The following ADCY2 variants were observed in gnomAD, a reference collection of about 807,000 sequenced individuals.
The protein encoded by ADCY2 is adenylate cyclase type 2.
Under a neutral mutation model 125.2 loss-of-function variants are expected in ADCY2, and 31 were observed. The ratio of observed to expected loss-of-function variants is 0.25; its 90% CI spans 0.19 to 0.33. The LOEUF is 0.33. Ranked by LOEUF, ADCY2 falls within the 10% of genes least tolerant of loss-of-function variation. The pLI, the probability that ADCY2 is intolerant of heterozygous loss-of-function variation, is 1.00. For synonymous variants in ADCY2, 512 were observed against 548.4 expected, an observed-to-expected ratio of 0.93 and a Z score of 0.93; for missense variants, 904 against 1,418.2, an observed-to-expected ratio of 0.64 and a Z score of 5.82.
chr5:7,744,829 T>G (rs1161873944), intron 15 of ADCY2, among the ~76,000 whole-genome samples: 1 of 152,266 alleles, frequency 6.6e-6, no homozygotes, highest in Admixed American at 6.5e-5. Flanking sequence ...CTTTAAAATA[T>G]TTTTCAATGG....
At chr5:7,665,803 T>C (rs1393401246) in intron 4 of ADCY2, among the ~76,000 whole-genome samples, 1 of 151,134 alleles carries the variant, frequency 6.6e-6, no homozygotes, top group Non-Finnish European at 1.5e-5. Context: ...GGTCTATTTA[T>C]GTTTTGTTTT....
intron 3 of ADCY2, among the ~76,000 whole-genome samples, chr5:7,600,233 C>A (rs1432683725): frequency 1.3e-5 from 2 of 152,090 alleles, no homozygotes; most frequent in South Asian, 2.1e-4. Flanking sequence ...CAAGCATCCC[C>A]CTCAGTGGCC....
intron 4 of ADCY2, among the ~76,000 whole-genome samples, chr5:7,637,431 CA>C (rs71591740): frequency 0.086 from 6,384 of 74,528 alleles, 167 homozygotes; most frequent in African/African-American, 0.21. Flanking sequence ...GACTCCGTCT[CA>C]AAAAAAAAAA....
At position 7,694,260 on chromosome 5, in the gene ADCY2, T is replaced by C. The variant is rs531734889; in HGVS notation, c.870-1492T>C. Among the ~76,000 whole-genome samples, 291 of 152,206 alleles carry C rather than the reference T, an allele frequency of 1.9e-3. 2 individuals carry two copies. Among genetic ancestry groups the C allele is most frequent in the African/African-American group, 6.7e-3 (279 of 41,540 alleles). On this transcript the variant is annotated intron_variant, in intron 5 of 24. Coordinates refer to ENST00000338316, the MANE Select transcript of ADCY2 (RefSeq NM_020546.3). ...TGCTGACTGGTGCCCCTTTTTGTAC[T>C]TTTTTTTACTGTTGTAAAATATGCA...
rs201313159 is a variant in ADCY2 at position 7,440,709 on chromosome 5, A to AG, written c.408+25941dup. On this transcript the variant is annotated intron_variant, in intron 2 of 24. Coordinates refer to ENST00000338316, the MANE Select transcript of ADCY2 (RefSeq NM_020546.3). ...TCATGGTGAGAAATTTCTTAGAGATAGGAAAAACCCTAGGAAGCAGCAGAT... is the reference window on the plus strand; with the variant it reads ...TCATGGTGAGAAATTTCTTAGAGATAGGGAAAAACCCTAGGAAGCAGCAGAT... Among the ~76,000 whole-genome samples, 1,098 of 152,348 alleles carry AG rather than the reference A, an allele frequency of 7.2e-3. 9 individuals carry two copies. The highest frequency in any genetic ancestry group is 0.041 in the Middle Eastern group (12 of 294).
chr5:7,406,102 T>C (rs1027484328), intron 1 of ADCY2, among the ~76,000 whole-genome samples: 1 of 152,012 alleles, frequency 6.6e-6, no homozygotes, highest in Non-Finnish European at 1.5e-5. Context: ...CCAAATGATC[T>C]ACCCACCTCA....
chr5:7,405,512 C>A, intron 1 of ADCY2, among the ~76,000 whole-genome samples: 1 of 152,144 alleles, frequency 6.6e-6, no homozygotes. Flanking sequence ...GGTGCCAGGT[C>A]ACTTGGCTGT....
chr5:7,409,391 A>G, intron 1 of ADCY2, among the ~76,000 whole-genome samples: 1 of 152,328 alleles, frequency 6.6e-6, no homozygotes, highest in East Asian at 1.9e-4. Context: ...AATGTTAAAA[A>G]TAAAATAAAA....
chr5:7,626,792 A>C (rs965315861), intron 4 of ADCY2, among the ~76,000 whole-genome samples: 1 of 152,120 alleles, frequency 6.6e-6, no homozygotes, highest in Non-Finnish European at 1.5e-5. Context: ...TCCACCCCCA[A>C]GACACAAACA....
At chr5:7,574,915 C>T (rs1360932446) in intron 3 of ADCY2, among the ~76,000 whole-genome samples, 1 of 151,650 alleles carries the variant, frequency 6.6e-6, no homozygotes, top group Non-Finnish European at 1.5e-5. Context: ...TTTTTTACAC[C>T]CAAATAAAAT....
At chr5:7,660,174 A>G (rs915748798) in intron 4 of ADCY2, among the ~76,000 whole-genome samples, 1 of 148,826 alleles carries the variant, frequency 6.7e-6, no homozygotes. Flanking sequence ...ACATACCTCC[A>G]GAACTCAAAA....
intron 2 of ADCY2, among the ~76,000 whole-genome samples, chr5:7,492,652 C>G (rs748523162): frequency 8.6e-5 from 13 of 151,402 alleles, no homozygotes; most frequent in Non-Finnish European, 1.3e-4. Flanking sequence ...GAAGGTGGTG[C>G]CTTTAACAGA....
At chr5:7,482,102 T>C (rs1278410500) in intron 2 of ADCY2, among the ~76,000 whole-genome samples, 1 of 152,138 alleles carries the variant, frequency 6.6e-6, no homozygotes, top group Non-Finnish European at 1.5e-5. Flanking sequence ...TGGTATAAGA[T>C]TTAAATTTTC....
rs545163784 is a variant in ADCY2, at chr5:7,615,781, C to G, written c.571-10386C>G. 2.0e-5 allele frequency among the ~76,000 whole-genome samples: 3 copies of G among 152,182 alleles called. No homozygotes were observed. The East Asian group carries it at 5.8e-4, about 29-fold the overall frequency. ...CAGCATTCCTTTGTTGACATCATGT[C>G]TTTGCAAAGCTGGGTTTTTGTTGTT... On this transcript the variant is annotated intron_variant, in intron 3 of 24. Transcript: ENST00000338316.
chr5:7,826,679 A>G, intron 24 of ADCY2, 40 bp from the exon 25 acceptor site: 4 of 1,613,832 alleles, frequency 2.5e-6, no homozygotes, highest in Non-Finnish European at 3.4e-6. Context: ...GTATCAATGT[A>G]TGTACTAAGC....
At chr5:7,727,393 G>A (rs1019391500) in intron 14 of ADCY2, 132 bp downstream of exon 14, 4 of 721,520 alleles carry the variant, frequency 5.5e-6, no homozygotes, top group Non-Finnish European at 6.8e-6. Context: ...TAAAGGGAGA[G>A]TAACCCAGGA....
intron 18 of ADCY2, among the ~76,000 whole-genome samples, chr5:7,777,289 T>C (rs1394688974): frequency 1.3e-5 from 2 of 152,212 alleles, no homozygotes; most frequent in Non-Finnish European, 2.9e-5. Context: ...CTGAGGACTT[T>C]AACACACTCT....
intron 3 of ADCY2, among the ~76,000 whole-genome samples, chr5:7,527,042 A>G (rs545899355): frequency 4.6e-5 from 7 of 152,362 alleles, no homozygotes; most frequent in Admixed American, 2.6e-4. Flanking sequence ...CCATGATAGA[A>G]GCAAGGAGTC....
At chr5:7,734,733 G>GT (rs1375298327) in intron 14 of ADCY2, among the ~76,000 whole-genome samples, 1 of 152,190 alleles carries the variant, frequency 6.6e-6, no homozygotes, top group Non-Finnish European at 1.5e-5. Flanking sequence ...TTGTCTCACA[G>GT]TATTTGTTGT....
Sources: allele counts gnomAD v4.1 joint callset (sites outside exome capture counted in the v4.1 genomes callset), GRCh38; gene constraint gnomAD v4.1.1; transcripts MANE v1.5; gene names NCBI Gene and HGNC (gene_info 2026-07-23, HGNC 2026-07-21).